MSR1: variants seen among roughly 807,000 people sequenced by gnomAD.
The protein encoded by MSR1 is macrophage scavenger receptor 1.
A neutral mutation model predicts 47.2 loss-of-function variants in MSR1; 53 were observed. The observed-to-expected ratio is 1.12, with a 90% CI of 0.90 to 1.41. MSR1 has a LOEUF of 1.41. Ranked by LOEUF, MSR1 falls within the 40% of genes most tolerant of loss-of-function variation. The probability of loss-of-function intolerance (pLI) is 0.00; values close to 1 mark genes in which losing one functional copy is unlikely to be tolerated. For missense variants in MSR1, 786 were observed against 546.9 expected, an observed-to-expected ratio of 1.44 and a Z score of -4.36; for synonymous variants, 239 against 185.6, an observed-to-expected ratio of 1.29 and a Z score of -2.34.
At chr8:16,175,094 C>A in intron 3 of MSR1, 93 bp downstream of exon 3, 1 of 965,170 alleles carries the variant, frequency 1.0e-6, no homozygotes, top group Non-Finnish European at 1.7e-6. Context: ...TATGAATGTA[C>A]CATATACAAA....
chr8:16,144,336 G>C (rs1198462025), intron 7 of MSR1, among the ~76,000 whole-genome samples: 1 of 151,990 alleles, frequency 6.6e-6, no homozygotes, highest in Admixed American at 6.6e-5. Context: ...GATTGGTGCT[G>C]TTCCTGCTTA....
intron 8 of MSR1, among the ~76,000 whole-genome samples, chr8:16,136,381 T>C (rs963909705): frequency 2.6e-5 from 4 of 152,190 alleles, no homozygotes; most frequent in African/African-American, 9.7e-5. Context: ...GTTAGCATTT[T>C]TTAGCAATAA....
chr8:16,181,064 T>C (rs929736905), intron 1 of MSR1, among the ~76,000 whole-genome samples: 1 of 152,108 alleles, frequency 6.6e-6, no homozygotes, highest in African/African-American at 2.4e-5. Flanking sequence ...CCTCCCTTTA[T>C]TAGATTTAAA....
Position 16,120,445 on chromosome 8 carries a change from C to A in MSR1, c.1195G>T (p.Val399Leu), listed in dbSNP as rs774834555. The change falls in exon 9 of 10, where the codon GTG (valine) becomes TTG (leucine). Residue 399 changes from valine (V) to leucine (L), a missense_variant. Val to Leu is a conservative substitution (Grantham distance 32). Coordinates refer to ENST00000262101, the MANE Select transcript of MSR1 (RefSeq NM_138715.3). ...RSLGYPGVQAVHKAAHFGQGT... is the reference protein window; with the variant it reads ...RSLGYPGVQALHKAAHFGQGT... ...TGTCCAAAGTGAGCTGCCTTGTGCA[C>A]GGCTTGAACACCTGGGTATCCCAAG... 1 of 1,613,710 alleles carries A rather than the reference C, an allele frequency of 6.2e-7. No individual in the cohort carries two copies.
chr8:16,138,612 T>G (rs2117099774), intron 8 of MSR1, among the ~76,000 whole-genome samples: 1 of 152,222 alleles, frequency 6.6e-6, no homozygotes, highest in East Asian at 1.9e-4. Context: ...TCTCCCAGCA[T>G]CTCTGGGACC....
intron 3 of MSR1, among the ~76,000 whole-genome samples, chr8:16,170,701 C>A (rs1801459038): frequency 1.3e-5 from 2 of 152,116 alleles, no homozygotes; most frequent in Admixed American, 1.3e-4. Context: ...AGTTCTACCC[C>A]TAACTCAAGG....
At chr8:16,165,117 T>C (rs1801267632) in intron 4 of MSR1, among the ~76,000 whole-genome samples, 1 of 152,076 alleles carries the variant, frequency 6.6e-6, no homozygotes, top group African/African-American at 2.4e-5. Flanking sequence ...TATTTGTATA[T>C]TGATATAAGT....
At chr8:16,185,844 AG>A (rs1347391585) in intron 1 of MSR1, among the ~76,000 whole-genome samples, 3 of 145,736 alleles carry the variant, frequency 2.1e-5, no homozygotes, top group Non-Finnish European at 3.0e-5. Context: ...ACCTTTTTTC[AG>A]GAAAAAAAAA....
At chr8:16,141,136 A>C in intron 8 of MSR1, 1 of 1,453,018 alleles carries the variant, frequency 6.9e-7, no homozygotes, top group Admixed American at 1.8e-5. Flanking sequence ...AAAACATTCA[A>C]TATAAATTTT....
intron 8 of MSR1, chr8:16,139,481 T>G (rs1274552872): frequency 1.0e-6 from 1 of 983,466 alleles, no homozygotes; most frequent in Non-Finnish European, 1.2e-6. Context: ...AGAGTTCTAC[T>G]AGAATCTTAA....
chr8:16,127,856 A>G (rs1027184957), intron 8 of MSR1, among the ~76,000 whole-genome samples: 4 of 152,170 alleles, frequency 2.6e-5, no homozygotes, highest in Non-Finnish European at 5.9e-5. Flanking sequence ...CAGTTCTTAC[A>G]AATATCTCCA....
chr8:16,111,168 T>C (rs1799748171), intron 9 of MSR1, among the ~76,000 whole-genome samples: 1 of 152,114 alleles, frequency 6.6e-6, no homozygotes, highest in Non-Finnish European at 1.5e-5. Flanking sequence ...ATAAAGTCTA[T>C]AAAAACTTTT....
At chr8:16,162,489 A>C (rs2117164743) in intron 5 of MSR1, among the ~76,000 whole-genome samples, 1 of 152,140 alleles carries the variant, frequency 6.6e-6, no homozygotes, top group Non-Finnish European at 1.5e-5. Context: ...TTAAATAAAT[A>C]TTTGTTGTGG....
chr8:16,152,398 A>G (rs1323730968), intron 6 of MSR1, among the ~76,000 whole-genome samples: 1 of 152,126 alleles, frequency 6.6e-6, no homozygotes, highest in East Asian at 1.9e-4. Flanking sequence ...ATATACGTGG[A>G]TATAAACATT....
chr8:16,189,850 A>C (rs1260551237), intron 1 of MSR1, among the ~76,000 whole-genome samples: 3 of 145,948 alleles, frequency 2.1e-5, no homozygotes, highest in Admixed American at 1.4e-4. Flanking sequence ...TTTCTTTTAA[A>C]CTTTTTTTCC....
At chr8:16,144,359 TC>T (rs144242508) in intron 7 of MSR1, among the ~76,000 whole-genome samples, 1 of 152,084 alleles carries the variant, frequency 6.6e-6, no homozygotes, top group Non-Finnish European at 1.5e-5. Context: ...GAGTTTTTTT[TC>T]CAACAGCCAT....
rs1479582664 is a variant in MSR1, at chr8:16,168,520, A to G, written c.568T>C (p.Leu190=). The change falls in exon 4 of 10, where the codon TTG becomes CTG. Residue 190 remains leucine (L), a synonymous_variant. Coordinates refer to ENST00000262101, the MANE Select transcript of MSR1 (RefSeq NM_138715.3). The part of the protein sequence containing the change: ...LISLNTTLLD[L]QLNIENLNGK... ...TTCAGATTTTCTATGTTGAGCTGCA[A>G]ATCAAGCAATGTGGTATTCAAACTT... 6.8e-6 allele frequency: 11 copies of G among 1,614,134 alleles called. No homozygotes were observed. The highest frequency in any genetic ancestry group is 9.3e-6 in the Non-Finnish European group (11 of 1,180,016).
intron 5 of MSR1, 22 bp from the exon 6 acceptor site, chr8:16,155,166 T>C (rs1448844300): frequency 6.3e-7 from 1 of 1,577,642 alleles, no homozygotes; most frequent in South Asian, 1.1e-5. Context: ...TTACAGTTAC[T>C]GATCATAGTT....
At chr8:16,181,845 G>C (rs541553990) in intron 1 of MSR1, among the ~76,000 whole-genome samples, 2 of 151,872 alleles carry the variant, frequency 1.3e-5, no homozygotes, top group South Asian at 4.2e-4. Flanking sequence ...TAAGGCAATT[G>C]GAACTATGTA....
Sources: allele counts gnomAD v4.1 joint callset (sites outside exome capture counted in the v4.1 genomes callset), GRCh38; gene constraint gnomAD v4.1.1; transcripts MANE v1.5; gene names NCBI Gene and HGNC (gene_info 2026-07-23, HGNC 2026-07-21).